SLC9A8: variants seen among roughly 807,000 people sequenced by gnomAD.
The protein encoded by SLC9A8 is solute carrier family 9 member A8, also known as sodium/hydrogen exchanger 8.
SLC9A8 carries 48 observed loss-of-function variants against 66.6 expected under a neutral mutation model. That is an observed-to-expected ratio of 0.72 (90% confidence interval 0.57 to 0.92). SLC9A8 has a LOEUF of 0.92. Among genes scored for constraint, SLC9A8 ranks in the 40% least tolerant of loss-of-function variants. The pLI is 0.00. For missense variants in SLC9A8, 599 were observed against 747.3 expected, an observed-to-expected ratio of 0.80 and a Z score of 2.31; for synonymous variants, 274 against 282.6, an observed-to-expected ratio of 0.97 and a Z score of 0.31.
chr20:49,859,957 C>T (rs1175715598), intron 8 of SLC9A8, among the ~76,000 whole-genome samples: 1 of 152,174 alleles, frequency 6.6e-6, no homozygotes, highest in African/African-American at 2.4e-5. Context: ...GAAACCATTG[C>T]CCCAGCCCTG....
At chr20:49,837,755 G>T (rs528569499) in intron 3 of SLC9A8, among the ~76,000 whole-genome samples, 1 of 152,078 alleles carries the variant, frequency 6.6e-6, no homozygotes, top group African/African-American at 2.4e-5. Flanking sequence ...TTTTAGTAGA[G>T]ACTGTATTTC....
chr20:49,844,212 T>G (rs535013081), intron 4 of SLC9A8, among the ~76,000 whole-genome samples: 3 of 152,326 alleles, frequency 2.0e-5, no homozygotes, highest in Admixed American at 6.5e-5. Context: ...GTGGACTGTT[T>G]TATCACATCA....
chr20:49,812,946 G>C lies in SLC9A8; in HGVS notation c.24G>C (p.Glu8Asp), dbSNP rs764616124. Reference sequence around the variant, plus strand: ...GGATGGGGGAGAAGATGGCGGAAGAGGAGTGAGTGGGCTTTTTCCCGGGCG... The same window carrying C: ...GGATGGGGGAGAAGATGGCGGAAGACGAGTGAGTGGGCTTTTTCCCGGGCG... Reference protein sequence around the residue: MGEKMAEEERFPNTTHEG... With the variant: MGEKMAEDERFPNTTHEG... Residue 8 changes from glutamate to aspartate, a missense_variant and splice_region_variant, in exon 1 of 16, where the codon GAG (glutamate) becomes GAC (aspartate). This residue lies in a region of SLC9A8 where 132 missense variants were observed against 120.9 expected (regional missense o/e 1.09). Coordinates refer to ENST00000361573, the MANE Select transcript of SLC9A8 (RefSeq NM_015266.3). 4 of 1,444,696 alleles carry C rather than the reference G, an allele frequency of 2.8e-6. No homozygotes were observed. In the Admixed American group the frequency reaches 1.2e-4, roughly 42 times the overall value. The allele number at this position is 1,444,696 out of a possible 1,614,324, so 89.5% of individuals were successfully genotyped here. A position where few individuals can be genotyped will look rare whatever the true frequency, so the allele number is the denominator to read the frequency against.
At chr20:49,871,956 C>CCG (rs1415665498) in intron 10 of SLC9A8, among the ~76,000 whole-genome samples, 2 of 152,220 alleles carry the variant, frequency 1.3e-5, no homozygotes, top group Non-Finnish European at 2.9e-5. Context: ...CACAGGGCTA[C>CCG]TGTCAGCCTT....
At chr20:49,843,653 T>C (rs2087859080) in intron 4 of SLC9A8, among the ~76,000 whole-genome samples, 1 of 152,150 alleles carries the variant, frequency 6.6e-6, no homozygotes, top group South Asian at 2.1e-4. Flanking sequence ...TAGAGAGATA[T>C]ATTAATAATA....
chr20:49,862,272 A>AT (rs1015949504), intron 8 of SLC9A8, among the ~76,000 whole-genome samples: 3 of 150,416 alleles, frequency 2.0e-5, no homozygotes, highest in Non-Finnish European at 3.0e-5. Context: ...TTTATTTTTT[A>AT]TTTTTTTGAG....
At chr20:49,849,790 A>G (rs544967243) in intron 6 of SLC9A8, 110 bp downstream of exon 6, 5 of 828,858 alleles carry the variant, frequency 6.0e-6, no homozygotes, top group Non-Finnish European at 6.0e-6. Flanking sequence ...TTTCACCCTT[A>G]AGGTAAATTC....
Position 49,876,304 on chromosome 20 carries a change from C to T in SLC9A8, c.1075+1483C>T, listed in dbSNP as rs140739493. Among the ~76,000 whole-genome samples, 4 of 152,262 alleles carry T rather than the reference C, an allele frequency of 2.6e-5. No homozygotes were observed. The East Asian group carries it at 7.7e-4, about 29-fold the overall frequency. ...CCAGTTAAAGACACATAAAGCAAAT[C>T]GTCCATCCAAAAAGATTCTATTTTG... On this transcript the variant is annotated intron_variant, in intron 11 of 15. Coordinates refer to ENST00000361573, the MANE Select transcript of SLC9A8 (RefSeq NM_015266.3).
intron 4 of SLC9A8, among the ~76,000 whole-genome samples, chr20:49,843,288 C>T (rs2087841513): frequency 1.3e-5 from 2 of 152,142 alleles, no homozygotes; most frequent in African/African-American, 2.4e-5. Context: ...AAACACAGAG[C>T]TCGGCTCATT....
chr20:49,876,230 A>T (rs1200202687), intron 11 of SLC9A8, among the ~76,000 whole-genome samples: 1 of 152,152 alleles, frequency 6.6e-6, no homozygotes, highest in Non-Finnish European at 1.5e-5. Flanking sequence ...TATTATTTGT[A>T]CAGCACCTCT....
At chr20:49,831,850 C>G (rs1003440843) in intron 3 of SLC9A8, among the ~76,000 whole-genome samples, 2 of 152,238 alleles carry the variant, frequency 1.3e-5, no homozygotes, top group Non-Finnish European at 2.9e-5. Context: ...TGGTGAGCAT[C>G]TGGCCTTCGC....
rs1333714968 is a variant in SLC9A8, at chr20:49,891,714, A to G, written c.*3778A>G. 1 of 152,302 alleles carries G rather than the reference A, an allele frequency of 6.6e-6. No individual in the cohort carries two copies. The allele number at this position is 152,302 out of a possible 1,614,324, so 9.4% of individuals were successfully genotyped here. A position where few individuals can be genotyped will look rare whatever the true frequency, so the allele number is the denominator to read the frequency against. ...ATGGGAAGATGTGCATCCGTGGTCAAAAGTCAGCTGCCAGCCCTGCGGAAC... is the reference window on the plus strand; with the variant it reads ...ATGGGAAGATGTGCATCCGTGGTCAGAAGTCAGCTGCCAGCCCTGCGGAAC... On this transcript the variant is annotated 3_prime_UTR_variant, in exon 16 of 16. Coordinates refer to ENST00000361573, the MANE Select transcript of SLC9A8 (RefSeq NM_015266.3).
chr20:49,884,293 C>CACACACACACACACACACG lies in SLC9A8; in HGVS notation c.1491+245_1491+246insGACACACACACACACACAC, dbSNP rs1568884316. 7.0e-4 allele frequency: 198 copies of CACACACACACACACACACG among 283,012 alleles called. 2 individuals carry two copies. The highest frequency in any genetic ancestry group is 3.1e-3 in the African/African-American group (104 of 33,106). The allele number at this position is 283,012 out of a possible 1,614,324, so 17.5% of individuals were successfully genotyped here. The stretch of plus-strand genomic sequence containing the variant: ...ACACACGACACACACACACACGACA[C>CACACACACACACACACACG]ACACACACACACACACACACACACA... On this transcript the variant is annotated intron_variant, in intron 14 of 15. Transcript: ENST00000361573.
intron 7 of SLC9A8, 92 bp downstream of exon 7, chr20:49,850,936 T>TTC (rs886989504): frequency 1.6e-5 from 13 of 826,400 alleles, no homozygotes; most frequent in Admixed American, 2.6e-5. Context: ...TACTGTTCTA[T>TTC]TCTCTCTCTG....
intron 2 of SLC9A8, among the ~76,000 whole-genome samples, 165 bp from the exon 3 acceptor site, chr20:49,822,896 G>A (rs1414547639): frequency 6.6e-6 from 1 of 152,132 alleles, no homozygotes; most frequent in Non-Finnish European, 1.5e-5. Flanking sequence ...TGTACCTCCA[G>A]TTTAAGAAAT....
At chr20:49,857,150 A>C (rs927079109) in intron 8 of SLC9A8, among the ~76,000 whole-genome samples, 3 of 152,074 alleles carry the variant, frequency 2.0e-5, no homozygotes, top group Admixed American at 2.0e-4. Context: ...CCATTCTCCC[A>C]CCTTCCCGCA....
intron 3 of SLC9A8, chr20:49,831,047 A>G: frequency 1.4e-6 from 1 of 724,030 alleles, no homozygotes; most frequent in South Asian, 1.4e-5. Context: ...GGACCAGTCC[A>G]ACAATATGTC....
chr20:49,846,334 G>A (rs1469374180), intron 5 of SLC9A8, among the ~76,000 whole-genome samples: 2 of 152,016 alleles, frequency 1.3e-5, no homozygotes, highest in Non-Finnish European at 2.9e-5. Context: ...TAAAAAAACT[G>A]TGAAGATTGG....
At chr20:49,821,242 G>C (rs959113761) in intron 2 of SLC9A8, among the ~76,000 whole-genome samples, 1 of 152,164 alleles carries the variant, frequency 6.6e-6, no homozygotes, top group Admixed American at 6.6e-5. Context: ...TAAAAATCTA[G>C]CTTGGTACAA....
Sources: gnomAD v4.1 joint callset for allele counts (sites outside exome capture counted in the v4.1 genomes callset) on GRCh38, gnomAD v4.1.1 for gene constraint, gnomAD v4.1.1 regional missense constraint, MANE v1.5 for transcripts, NCBI Gene and HGNC (gene_info 2026-07-23, HGNC 2026-07-21) for gene names.